Variants in FGD4 observed in about 807,000 individuals in gnomAD.
The protein encoded by FGD4 is FYVE, RhoGEF and PH domain containing 4, also known as FYVE, RhoGEF and PH domain-containing protein 4.
In FGD4, 42 loss-of-function variants were observed where a neutral mutation model predicts 102.0. That is an observed-to-expected ratio of 0.41 (90% CI 0.32 to 0.53). FGD4 has a LOEUF of 0.53. Among genes scored for constraint, FGD4 ranks in the 20% least tolerant of loss-of-function variants. The pLI is 0.21. For synonymous variants in FGD4, 380 were observed against 375.7 expected, an observed-to-expected ratio of 1.01 and a Z score of -0.13; for missense variants, 902 against 1,078.2, an observed-to-expected ratio of 0.84 and a Z score of 2.29.
intron 8 of FGD4, among the ~76,000 whole-genome samples, chr12:32,609,169 C>T (rs1454441723): frequency 6.6e-6 from 1 of 152,142 alleles, no homozygotes; most frequent in Non-Finnish European, 1.5e-5. Context: ...TGGCCCTGAT[C>T]CTTAGCCTTT....
intron 1 of FGD4, among the ~76,000 whole-genome samples, chr12:32,447,752 T>C (rs574971784): frequency 4.6e-5 from 7 of 152,230 alleles, no homozygotes; most frequent in Admixed American, 3.3e-4. Flanking sequence ...AAATACGTGA[T>C]AGGGCAAGGT....
chr12:32,584,687 A>G (rs1469030734), intron 4 of FGD4, among the ~76,000 whole-genome samples: 1 of 152,130 alleles, frequency 6.6e-6, no homozygotes, highest in Non-Finnish European at 1.5e-5. Context: ...CCTTGTTAGC[A>G]TAGCACACCA....
chr12:32,418,642 G>A (rs1941514264), intron 1 of FGD4, among the ~76,000 whole-genome samples: 2 of 152,130 alleles, frequency 1.3e-5, no homozygotes, highest in South Asian at 4.1e-4. Context: ...CCACAACTGG[G>A]ACTGTACCGG....
chr12:32,449,343 C>A (rs1942706835), intron 1 of FGD4, among the ~76,000 whole-genome samples: 1 of 152,214 alleles, frequency 6.6e-6, no homozygotes, highest in Non-Finnish European at 1.5e-5. Flanking sequence ...CCCTTCATGG[C>A]AAAAGGATCA....
At chr12:32,592,508 A>G (rs904403908) in intron 4 of FGD4, among the ~76,000 whole-genome samples, 1 of 152,158 alleles carries the variant, frequency 6.6e-6, no homozygotes, top group African/African-American at 2.4e-5. Flanking sequence ...AAATGGCTTC[A>G]TGGTAAAGCG....
chr12:32,468,004 A>G (rs1171459849), intron 1 of FGD4, among the ~76,000 whole-genome samples: 1 of 152,092 alleles, frequency 6.6e-6, no homozygotes, highest in African/African-American at 2.4e-5. Context: ...CAACAGAGCG[A>G]GACTCCATCT....
intron 4 of FGD4, among the ~76,000 whole-genome samples, chr12:32,587,269 C>G (rs1947124970): frequency 6.6e-6 from 1 of 151,822 alleles, no homozygotes; most frequent in Non-Finnish European, 1.5e-5. Flanking sequence ...ATGAAAATAC[C>G]TGAGTTCAAA....
intron 1 of FGD4, among the ~76,000 whole-genome samples, chr12:32,562,774 T>G (rs913134681): frequency 5.3e-5 from 8 of 152,246 alleles, no homozygotes; most frequent in African/African-American, 1.9e-4. Context: ...AGAATTTTTC[T>G]TAGTACAGAA....
At chr12:32,579,305 A>G (rs1197136144) in intron 3 of FGD4, among the ~76,000 whole-genome samples, 1 of 151,992 alleles carries the variant, frequency 6.6e-6, no homozygotes, top group Admixed American at 6.6e-5. Flanking sequence ...TGGCCTCCCA[A>G]AGTGCTGGGA....
intron 1 of FGD4, among the ~76,000 whole-genome samples, chr12:32,563,774 G>A (rs11052075): frequency 0.094 from 14,356 of 152,168 alleles, 1,066 homozygotes; most frequent in African/African-American, 0.2. Flanking sequence ...CGAGGCTGGC[G>A]GATCACTCGC....
rs550524759 is a variant in FGD4, at chr12:32,421,775, C to T, written c.166+21816C>T. On this transcript the variant is annotated intron_variant, in intron 1 of 16. Transcript: ENST00000534526. Reference sequence around the variant, plus strand: ...AAAGCAAAAAACAAAAAACCAACAACAACAAAAGCAAAACAAAAGCAGCTA... The same window carrying T: ...AAAGCAAAAAACAAAAAACCAACAATAACAAAAGCAAAACAAAAGCAGCTA... Among the ~76,000 whole-genome samples the T allele has an allele frequency of 2.0e-5, 3 of 152,206 alleles. No homozygotes were observed. In the South Asian group the frequency reaches 6.2e-4, roughly 32 times the overall value.
chr12:32,431,163 G>A (rs901068456), intron 1 of FGD4, among the ~76,000 whole-genome samples: 8 of 152,194 alleles, frequency 5.3e-5, no homozygotes, highest in Non-Finnish European at 1.2e-4. Flanking sequence ...CCCACTTGTA[G>A]AGAGCAGCTG....
rs546771128 is a variant in FGD4 at position 32,606,842 on chromosome 12, C to T, written c.1405-1115C>T. Among the ~76,000 whole-genome samples the T allele has an allele frequency of 3.7e-4, 57 of 152,174 alleles. No individual in the cohort carries two copies. The South Asian group carries it at 0.012, about 32-fold the overall frequency. Reference sequence around the variant, plus strand: ...AGCAAGTGATACGGTCTTAATTTTGCCCTAAGAAATGGAGCTCTATTTACA... The same window carrying T: ...AGCAAGTGATACGGTCTTAATTTTGTCCTAAGAAATGGAGCTCTATTTACA... On this transcript the variant is annotated intron_variant, in intron 7 of 16. Coordinates refer to ENST00000534526, the MANE Select transcript of FGD4 (RefSeq NM_001370298.3).
In FGD4 at chr12:32,399,948, C is replaced by A. The variant is rs1352594321; in HGVS notation, c.155C>A (p.Ser52Ter). The A allele has an allele frequency of 4.0e-6, 6 of 1,484,068 alleles. No homozygotes were observed. The highest frequency in any genetic ancestry group is 1.5e-5 in the African/African-American group (1 of 68,514). The allele number at this position is 1,484,068 out of a possible 1,614,324, so 91.9% of individuals were successfully genotyped here. The change falls in exon 1 of 17, where the codon TCA becomes TAA. Residue 52 changes from serine (S) to a stop codon, truncating the protein, a stop_gained. Transcript: ENST00000534526. LOFTEE classifies it high-confidence loss of function. ...GTAAFKGQVP[S>*]GATGSSTCPK... ...GCTGCCTTCAAGGGCCAGGTGCCCT[C>A]AGGAGCCACAGGTAAGCGCCTCGGG... is the stretch of plus-strand genomic sequence containing the variant.
intron 7 of FGD4, among the ~76,000 whole-genome samples, chr12:32,603,752 GA>G (rs1472969542): frequency 6.6e-6 from 1 of 151,500 alleles, no homozygotes; most frequent in Non-Finnish European, 1.5e-5. Flanking sequence ...ACCCAGGCTA[GA>G]GTGCAGTGGC....
At chr12:32,433,579 C>T (rs1002634065) in intron 1 of FGD4, among the ~76,000 whole-genome samples, 20 of 152,012 alleles carry the variant, frequency 1.3e-4, no homozygotes, top group South Asian at 8.3e-4. Flanking sequence ...TCAGGTGATC[C>T]GCCCACCTCG....
At position 32,506,531 on chromosome 12, in the gene FGD4, G is replaced by A. The variant is rs1293066834; in HGVS notation, c.167-57606G>A. On this transcript the variant is annotated intron_variant, in intron 1 of 16. Coordinates refer to ENST00000534526, the MANE Select transcript of FGD4 (RefSeq NM_001370298.3). The surrounding 1 kb of genome is among the most constrained non-coding windows in gnomAD (Gnocchi z 4.5). ...GCAGCATCTAGCATTCCTGTTGTGG[G>A]TTAGTACAACTTTCCTGTGGGCCTT... Among the ~76,000 whole-genome samples the A allele has an allele frequency of 6.6e-6, 1 of 152,038 alleles. No homozygotes were observed. The highest frequency in any genetic ancestry group is 1.5e-5 in the Non-Finnish European group (1 of 68,022).
chr12:32,576,151 G>T lies in FGD4; in HGVS notation c.320-115G>T, dbSNP rs535484600. The T allele has an allele frequency of 3.8e-4, 398 of 1,056,852 alleles. 2 individuals carry two copies. The African/African-American group carries it at 5.8e-3, about 16-fold the overall frequency. 65.5% of individuals were successfully genotyped at this position (1,056,852 alleles called of 1,614,324 possible). A position where few individuals can be genotyped will look rare whatever the true frequency, so the allele number is the denominator to read the frequency against. On this transcript the variant is annotated intron_variant, in intron 2 of 16. Transcript: ENST00000534526. ...TGGTTTAGTTCAAAATTTGACACCTGCCCCCTTTACAATAATTTTATAATG... is the reference window on the plus strand; with the variant it reads ...TGGTTTAGTTCAAAATTTGACACCTTCCCCCTTTACAATAATTTTATAATG...
chr12:32,616,951 A>G (rs897393437), intron 10 of FGD4, among the ~76,000 whole-genome samples: 3 of 152,118 alleles, frequency 2.0e-5, no homozygotes, highest in Non-Finnish European at 4.4e-5. Flanking sequence ...TTCTTACTGC[A>G]TCATAACATG....
Sources: allele counts gnomAD v4.1 joint callset (sites outside exome capture counted in the v4.1 genomes callset), GRCh38; gene constraint gnomAD v4.1.1; non-coding constraint Gnocchi (gnomAD v3.1); transcripts MANE v1.5; gene names NCBI Gene and HGNC (gene_info 2026-07-23, HGNC 2026-07-21).